Variants in ANXA4 observed in about 807,000 individuals in gnomAD.
ANXA4 encodes annexin A4.
In ANXA4, 39 loss-of-function variants were observed where a neutral mutation model predicts 49.8. That is an observed-to-expected ratio of 0.78 (90% CI 0.61 to 1.02). The LOEUF (loss-of-function observed/expected upper bound fraction) is 1.02, where lower values mean the gene tolerates loss of function less well. Among genes scored for constraint, ANXA4 ranks in the 50% least tolerant of loss-of-function variants. The pLI is 0.00. For synonymous variants in ANXA4, 134 were observed against 152.5 expected (o/e 0.88, Z 0.89); for missense variants, 360 against 410.1 (o/e 0.88, Z 1.05).
intron 3 of ANXA4, among the ~76,000 whole-genome samples, chr2:69,733,208 A>C (rs1285432620): frequency 1.3e-5 from 2 of 152,242 alleles, no homozygotes; most frequent in African/African-American, 4.8e-5. Flanking sequence ...ATTAGTCTTA[A>C]GATTTACTGG....
At chr2:69,649,423 ATTTTATT>A (rs1281230941) in intron 1 of ANXA4, among the ~76,000 whole-genome samples, 2 of 151,188 alleles carry the variant, frequency 1.3e-5, no homozygotes, top group East Asian at 3.9e-4. Flanking sequence ...ATATATTTAT[ATTTTATT>A]TTTTTCATTC....
intron 2 of ANXA4, among the ~76,000 whole-genome samples, chr2:69,685,049 G>A (rs1464930843): frequency 6.6e-6 from 1 of 152,150 alleles, no homozygotes; most frequent in Admixed American, 6.6e-5. Flanking sequence ...ATAGAGAATA[G>A]GAGAGATTCC....
intron 1 of ANXA4, among the ~76,000 whole-genome samples, chr2:69,754,250 A>G (rs974186858): frequency 1.3e-5 from 2 of 152,120 alleles, no homozygotes; most frequent in South Asian, 2.1e-4. Context: ...CCATTTCCTC[A>G]TACTTGATGT....
chr2:69,819,298 A>T lies in ANXA4; in HGVS notation c.743A>T (p.Lys248Ile). ...TTGACAGTAAAGTGCATGAGGAACA[A>T]ATCTGCATATTTTGCTGAAAAGCTC... ...LLAIVKCMRNKSAYFAEKLYK... is the reference protein window; with the variant it reads ...LLAIVKCMRNISAYFAEKLYK... Residue 248 changes from lysine (K) to isoleucine (I), a missense_variant, in exon 11 of 13, where the codon AAA (lysine) becomes ATA (isoleucine). Lys to Ile is a moderately radical substitution (Grantham distance 102). Transcript: ENST00000394295. The T allele has an allele frequency of 1.2e-6, 2 of 1,608,522 alleles. No individual in the cohort carries two copies. The highest frequency in any genetic ancestry group is 2.2e-5 in the South Asian group (2 of 90,210).
In ANXA4 at chr2:69,781,502, C is replaced by A. The variant is rs1672198050; in HGVS notation, c.-46-18C>A. On this transcript the variant is annotated intron_variant, in intron 1 of 12. Coordinates refer to ENST00000394295, the MANE Select transcript of ANXA4 (RefSeq NM_001153.5). The stretch of plus-strand genomic sequence containing the variant: ...CATTTCCTTCATCACAGTAATTTCC[C>A]CTCTGCTTTTATCACAGAAGAACTT... 5 of 1,592,930 alleles carry A rather than the reference C, an allele frequency of 3.1e-6. No homozygotes were observed. Among genetic ancestry groups the A allele is most frequent in the Non-Finnish European group, 4.3e-6 (5 of 1,161,412 alleles).
chr2:69,716,784 A>T (rs1669652733), intron 2 of ANXA4, among the ~76,000 whole-genome samples: 1 of 152,148 alleles, frequency 6.6e-6, no homozygotes. Flanking sequence ...GAACGAAAAG[A>T]GTTGTGTTTT....
chr2:69,755,788 A>T (rs1671019674), intron 1 of ANXA4, among the ~76,000 whole-genome samples: 1 of 152,216 alleles, frequency 6.6e-6, no homozygotes, highest in Admixed American at 6.5e-5. Context: ...GCTGATTGTT[A>T]AAAATAGCCA....
chr2:69,678,252 AATT>A (rs1167122079), intron 2 of ANXA4, among the ~76,000 whole-genome samples: 1 of 152,050 alleles, frequency 6.6e-6, no homozygotes, highest in Non-Finnish European at 1.5e-5. Context: ...CTACCTTTCA[AATT>A]ATTATTTAAT....
At chr2:69,775,346 C>T (rs766152138) in intron 1 of ANXA4, among the ~76,000 whole-genome samples, 26 of 152,168 alleles carry the variant, frequency 1.7e-4, no homozygotes, top group Non-Finnish European at 3.1e-4. Flanking sequence ...AATATATCGC[C>T]TTTTCTTATT....
chr2:69,804,708 A>T, intron 4 of ANXA4, 81 bp downstream of exon 4: 1 of 1,205,576 alleles, frequency 8.3e-7, no homozygotes, highest in Non-Finnish European at 1.2e-6. Context: ...TAGGTTCCCG[A>T]AGTGACCTTG....
At chr2:69,824,552 T>A (rs1344271879) in intron 12 of ANXA4, among the ~76,000 whole-genome samples, 2 of 150,972 alleles carry the variant, frequency 1.3e-5, no homozygotes. Context: ...GTCCAGTAAT[T>A]CCCATTTTAT....
At chr2:69,725,746 G>C (rs1669948423) in intron 3 of ANXA4, among the ~76,000 whole-genome samples, 1 of 152,158 alleles carries the variant, frequency 6.6e-6, no homozygotes, top group Admixed American at 6.5e-5. Context: ...TGAGACTCTT[G>C]ATCACTCACA....
At chr2:69,675,718 G>A (rs1363170624) in intron 2 of ANXA4, among the ~76,000 whole-genome samples, 2 of 152,120 alleles carry the variant, frequency 1.3e-5, no homozygotes, top group Non-Finnish European at 2.9e-5. Flanking sequence ...TCACAGCAAC[G>A]TGAACGTATC....
chr2:69,757,267 T>TATATATATATATATATATATA (rs1491352039), intron 1 of ANXA4, among the ~76,000 whole-genome samples: 1 of 20,534 alleles, frequency 4.9e-5, no homozygotes, highest in African/African-American at 2.6e-4. Context: ...TATATATATA[T>TATATATATATATATATATATA]TTTTTTTTTT....
intron 1 of ANXA4, among the ~76,000 whole-genome samples, chr2:69,757,722 G>T (rs1671120024): frequency 1.3e-5 from 2 of 151,814 alleles, no homozygotes; most frequent in Admixed American, 1.3e-4. Flanking sequence ...ACTTTGGGAG[G>T]CCAAGGTGGG....
intron 2 of ANXA4, among the ~76,000 whole-genome samples, chr2:69,720,073 T>A (rs1353830818): frequency 6.6e-6 from 1 of 152,156 alleles, no homozygotes; most frequent in Non-Finnish European, 1.5e-5. Context: ...TCATTCAGAT[T>A]AGGAACGAGC....
At chr2:69,652,232 C>T (rs972964706) in intron 1 of ANXA4, among the ~76,000 whole-genome samples, 3 of 151,536 alleles carry the variant, frequency 2.0e-5, no homozygotes, top group African/African-American at 4.9e-5. Context: ...CCTCGAACTC[C>T]TCACCTCAAA....
In ANXA4 at chr2:69,669,476, T is replaced by G. The variant is rs1398016570; in HGVS notation, n.766+16194T>G. On this transcript the variant is annotated intron_variant and non_coding_transcript_variant, in intron 2 of 3. Coordinates refer to the ANXA4 transcript ENST00000418066. ...AATACAAAAAATTAGCCAGGCATGG[T>G]AGTACACACCTGTAATCCCAGCTAC... Among the ~76,000 whole-genome samples the G allele has an allele frequency of 2.0e-5, 3 of 151,460 alleles. No individual in the cohort carries two copies. In the East Asian group the frequency reaches 5.9e-4, roughly 30 times the overall value.
At chr2:69,671,063 T>C (rs1677165450) in intron 2 of ANXA4, among the ~76,000 whole-genome samples, 1 of 139,204 alleles carries the variant, frequency 7.2e-6, no homozygotes, top group African/African-American at 2.6e-5. Flanking sequence ...GGGAATACCA[T>C]CAATAATCAA....
Sources: allele counts gnomAD v4.1 joint callset (sites outside exome capture counted in the v4.1 genomes callset), GRCh38; gene constraint gnomAD v4.1.1; transcripts MANE v1.5; gene names NCBI Gene and HGNC (gene_info 2026-07-23, HGNC 2026-07-21).